The following CDH5 variants were observed in gnomAD, a reference collection of about 807,000 sequenced individuals.
CDH5 encodes the protein cadherin-5.
A neutral mutation model predicts 62.0 loss-of-function variants in CDH5; 28 were observed. The observed-to-expected ratio is 0.45, with a 90% CI of 0.33 to 0.62. CDH5 has a LOEUF of 0.62. Among genes scored for constraint, CDH5 ranks in the 20% least tolerant of loss-of-function variants. CDH5 has a pLI of 0.02. For missense variants in CDH5, 940 were observed against 1,065.1 expected, an observed-to-expected ratio of 0.88 and a Z score of 1.63; for synonymous variants, 464 against 445.8, an observed-to-expected ratio of 1.04 and a Z score of -0.52.
At chr16:66,382,165 A>T (rs1292431059) in intron 2 of CDH5, among the ~76,000 whole-genome samples, 1 of 152,212 alleles carries the variant, frequency 6.6e-6, no homozygotes, top group African/African-American at 2.4e-5. Flanking sequence ...GGGCAGGGCC[A>T]ACCATGGCTG....
chr16:66,395,422 T>C (rs1961161945), intron 7 of CDH5: 1 of 151,756 alleles, frequency 6.6e-6, no homozygotes, highest in Non-Finnish European at 1.5e-5. Context: ...TATTGGGGTT[T>C]TTTTCAATGA....
In CDH5 at chr16:66,388,513, G is replaced by A. The variant is rs1039322905; in HGVS notation, c.616+73G>A. On this transcript the variant is annotated intron_variant, in intron 4 of 11. Transcript: ENST00000341529. ...GGGGAGGTGGATACTCCAGGTGCAT[G>A]TGCTAAGGGAAGTCCAGTCTGACAG... 5 of 988,040 alleles carry A rather than the reference G, an allele frequency of 5.1e-6. No individual in the cohort carries two copies. In the Admixed American group the frequency reaches 6.9e-5, roughly 14 times the overall value. The allele number at this position is 988,040 out of a possible 1,614,324, so 61.2% of individuals were successfully genotyped here.
In CDH5 at chr16:66,390,351, C is replaced by T. The variant is rs1236597966; in HGVS notation, c.782-52C>T. ...TTAGAATAGCTGAAAGAGGCAATCGCCTTGTCTATCTCATTAACCCAAAGC... is the reference window on the plus strand; with the variant it reads ...TTAGAATAGCTGAAAGAGGCAATCGTCTTGTCTATCTCATTAACCCAAAGC... On this transcript the variant is annotated intron_variant, in intron 5 of 11. Coordinates refer to ENST00000341529, the MANE Select transcript of CDH5 (RefSeq NM_001795.5). The T allele has an allele frequency of 3.5e-6, 5 of 1,412,276 alleles. No homozygotes were observed. In the African/African-American group the frequency reaches 7.2e-5, roughly 20 times the overall value. 87.5% of individuals were successfully genotyped at this position (1,412,276 alleles called of 1,614,324 possible).
chr16:66,375,807 G>A (rs944595942), intron 1 of CDH5, among the ~76,000 whole-genome samples: 10 of 149,402 alleles, frequency 6.7e-5, no homozygotes, highest in African/African-American at 9.8e-5. Flanking sequence ...TGTTGTTGCC[G>A]TCTAAAAAAA....
At chr16:66,388,898 G>C (rs574610353) in intron 4 of CDH5, among the ~76,000 whole-genome samples, 1 of 152,296 alleles carries the variant, frequency 6.6e-6, no homozygotes, top group South Asian at 2.1e-4. Context: ...GTTAGATCAT[G>C]TATAAAGGCA....
chr16:66,384,914 C>T (rs1273936561), intron 2 of CDH5, among the ~76,000 whole-genome samples: 1 of 152,066 alleles, frequency 6.6e-6, no homozygotes, highest in East Asian at 1.9e-4. Context: ...TGCAGTGAGC[C>T]AAGATCGTGC....
chr16:66,379,259 G>A lies in CDH5; in HGVS notation c.-19-60G>A, dbSNP rs187226090. 449 of 1,248,658 alleles carry A rather than the reference G, an allele frequency of 3.6e-4. 2 individuals are homozygous for A. The African/African-American group carries it at 6.2e-3, about 17-fold the overall frequency. The allele number at this position is 1,248,658 out of a possible 1,614,324, so 77.3% of individuals were successfully genotyped here. ...AGCTGCTCTTATGTGAAATACCTGT[G>A]TCTAAGTACTCCTTTCATCGTCACT... On this transcript the variant is annotated intron_variant, in intron 1 of 11. Transcript: ENST00000341529.
At chr16:66,368,073 C>T (rs1445576880) in intron 1 of CDH5, among the ~76,000 whole-genome samples, 1 of 152,168 alleles carries the variant, frequency 6.6e-6, no homozygotes, top group East Asian at 1.9e-4. Flanking sequence ...ACCTCTGGGC[C>T]TCTGCTCCAT....
At chr16:66,379,279 G>A (rs564988890) in intron 1 of CDH5, 40 bp from the exon 2 acceptor site, 105 of 1,457,612 alleles carry the variant, frequency 7.2e-5, no homozygotes, top group South Asian at 8.9e-5. Flanking sequence ...TCCTTTCATC[G>A]TCACTGGCCA....
chr16:66,394,475 T>G (rs2142335744), intron 7 of CDH5, among the ~76,000 whole-genome samples: 1 of 152,270 alleles, frequency 6.6e-6, no homozygotes, highest in South Asian at 2.1e-4. Context: ...TTGATGTTCC[T>G]TCTTTTATCT....
chr16:66,371,974 A>G (rs886449378), intron 1 of CDH5, among the ~76,000 whole-genome samples: 3 of 150,732 alleles, frequency 2.0e-5, no homozygotes, highest in Non-Finnish European at 4.4e-5. Flanking sequence ...TCTTTTTGAC[A>G]CTGTAACTCA....
In CDH5 at chr16:66,398,504, G is replaced by A. The variant is rs144992548; in HGVS notation, c.1534G>A (p.Val512Met). 2.5e-5 allele frequency: 40 copies of A among 1,610,104 alleles called. No individual in the cohort carries two copies. The highest frequency in any genetic ancestry group is 1.3e-4 in the African/African-American group (10 of 74,990). ...AIDKDITPRN[V>M]KFKFILNTEN... is the part of the protein sequence containing the mutation. ...AGACAAGGACATAACACCACGAAAC[G>A]TGAAGTTCAAATTCATCTTGAATAC... is the stretch of plus-strand genomic sequence containing the variant. Residue 512 changes from valine (V) to methionine (M), a missense_variant, in exon 10 of 12, where the codon GTG (valine) becomes ATG (methionine). Val to Met is a conservative substitution (Grantham distance 21). Coordinates refer to ENST00000341529, the MANE Select transcript of CDH5 (RefSeq NM_001795.5).
At chr16:66,394,692 A>G (rs777626281) in intron 7 of CDH5, among the ~76,000 whole-genome samples, 9 of 152,144 alleles carry the variant, frequency 5.9e-5, no homozygotes, top group Non-Finnish European at 1.2e-4. Flanking sequence ...ACTATTATAG[A>G]CATACACACA....
At chr16:66,374,654 T>C (rs141922664) in intron 1 of CDH5, among the ~76,000 whole-genome samples, 2,014 of 151,486 alleles carry the variant, frequency 0.013, 18 homozygotes, top group African/African-American at 0.031. Context: ...TGGTGGACTC[T>C]GCTTTGCTGA....
chr16:66,389,244 T>G, intron 4 of CDH5, 114 bp from the exon 5 acceptor site: 1 of 993,824 alleles, frequency 1.0e-6, no homozygotes, highest in Non-Finnish European at 1.5e-6. Context: ...CAGCCCCATT[T>G]GCACAGTGGA....
In CDH5 at chr16:66,392,136, C is replaced by T. The variant is rs1961095504; in HGVS notation, c.970C>T (p.Pro324Ser). The T allele has an allele frequency of 6.2e-7, 1 of 1,614,020 alleles. No homozygotes were observed. Among genetic ancestry groups the T allele is most frequent in the Non-Finnish European group, 8.5e-7 (1 of 1,180,028 alleles). ...HNEGIIKPMK[P>S]LDYEYIQQYS... Reference sequence around the variant, plus strand: ...CTCACCATCCTTTTTCCTTACGCAGCCTCTGGATTATGAATACATCCAGCA... The same window carrying T: ...CTCACCATCCTTTTTCCTTACGCAGTCTCTGGATTATGAATACATCCAGCA... The change falls in exon 7 of 12, where the codon CCT becomes TCT. Residue 324 changes from proline (P) to serine (S), a missense_variant and splice_region_variant. Physicochemically the swap from Pro to Ser is moderately conservative, Grantham distance 74. Transcript: ENST00000341529.
chr16:66,387,421 C>T (rs1263465374), intron 3 of CDH5, among the ~76,000 whole-genome samples: 1 of 152,188 alleles, frequency 6.6e-6, no homozygotes, highest in African/African-American at 2.4e-5. Flanking sequence ...AACCCTGACA[C>T]TGGTCACAGA....
chr16:66,368,035 G>C (rs1044713054), intron 1 of CDH5, among the ~76,000 whole-genome samples: 3 of 152,292 alleles, frequency 2.0e-5, no homozygotes, highest in Admixed American at 1.3e-4. Flanking sequence ...TACGAGGAAG[G>C]GGGTGCAAGT....
rs776520571 is a variant in CDH5, at chr16:66,397,965, A to G, written c.1361-17A>G. ...CATCAGCTGAGCCCATAATGGTGACAGTCTTCTCCCCTGCAGGAACCCCCA... is the reference window on the plus strand; with the variant it reads ...CATCAGCTGAGCCCATAATGGTGACGGTCTTCTCCCCTGCAGGAACCCCCA... On this transcript the variant is annotated splice_polypyrimidine_tract_variant and intron_variant, in intron 8 of 11. Coordinates refer to ENST00000341529, the MANE Select transcript of CDH5 (RefSeq NM_001795.5). 2 of 1,614,112 alleles carry G rather than the reference A, an allele frequency of 1.2e-6. No homozygotes were observed. Among genetic ancestry groups the G allele is most frequent in the Admixed American group, 3.3e-5 (2 of 60,026 alleles).
Sources: allele counts gnomAD v4.1 joint callset (sites outside exome capture counted in the v4.1 genomes callset), GRCh38; gene constraint gnomAD v4.1.1; transcripts MANE v1.5; gene names NCBI Gene and HGNC (gene_info 2026-07-23, HGNC 2026-07-21).